The following RERG variants were observed in gnomAD, a reference collection of about 807,000 sequenced individuals.
RERG encodes ras-related and estrogen-regulated growth inhibitor.
A neutral mutation model predicts 23.2 loss-of-function variants in RERG; 25 were observed. The observed-to-expected ratio is 1.08, with a 90% CI of 0.79 to 1.50. The LOEUF is 1.50. Among genes scored for constraint, RERG ranks in the 40% most tolerant of loss-of-function variants. The probability of loss-of-function intolerance (pLI) is 0.00; values close to 1 mark genes in which losing one functional copy is unlikely to be tolerated. For missense variants in RERG, 253 were observed against 250.1 expected, an observed-to-expected ratio of 1.01 and a Z score of -0.08; for synonymous variants, 81 against 89.1, an observed-to-expected ratio of 0.91 and a Z score of 0.51.
At chr12:15,127,611 G>T (rs1591638397) in intron 2 of RERG, among the ~76,000 whole-genome samples, 1 of 152,192 alleles carries the variant, frequency 6.6e-6, no homozygotes, top group East Asian at 1.9e-4. Context: ...AAAGACTTCA[G>T]AGAAGTAAAA....
At chr12:15,113,072 TAA>T (rs1863652224) in intron 3 of RERG, among the ~76,000 whole-genome samples, 1 of 152,178 alleles carries the variant, frequency 6.6e-6, no homozygotes, top group African/African-American at 2.4e-5. Context: ...ATCAAAACAA[TAA>T]CACTACATCA....
chr12:15,112,572 C>T (rs981647005), intron 3 of RERG: 2 of 152,136 alleles, frequency 1.3e-5, no homozygotes, highest in African/African-American at 4.8e-5. Flanking sequence ...AAATAAGTGC[C>T]AACTGGTGCT....
intron 2 of RERG, among the ~76,000 whole-genome samples, chr12:15,136,060 A>C (rs1480036299): frequency 1.3e-5 from 2 of 152,066 alleles, no homozygotes; most frequent in Non-Finnish European, 2.9e-5. Flanking sequence ...TTGATTATTG[A>C]TTTAACTTCT....
intron 2 of RERG, among the ~76,000 whole-genome samples, chr12:15,182,904 G>A (rs1208411293): frequency 6.6e-6 from 1 of 151,972 alleles, no homozygotes; most frequent in Non-Finnish European, 1.5e-5. Flanking sequence ...GGGAGACCTT[G>A]TTTCTACAAA....
At chr12:15,145,448 C>T (rs1864315631) in intron 2 of RERG, among the ~76,000 whole-genome samples, 1 of 152,232 alleles carries the variant, frequency 6.6e-6, no homozygotes, top group South Asian at 2.1e-4. Flanking sequence ...ATAAGGACCA[C>T]TCATGGGATG....
chr12:15,161,482 C>G (rs896939750), intron 2 of RERG, among the ~76,000 whole-genome samples: 2 of 152,224 alleles, frequency 1.3e-5, no homozygotes, highest in South Asian at 4.1e-4. Flanking sequence ...CTTCCTCCTT[C>G]TTCCCATTTA....
chr12:15,169,089 A>G (rs993629333), intron 2 of RERG, among the ~76,000 whole-genome samples: 8 of 152,194 alleles, frequency 5.3e-5, no homozygotes, highest in Admixed American at 1.3e-4. Context: ...ACACGTTCTC[A>G]TTGGTTTGCC....
intron 2 of RERG, among the ~76,000 whole-genome samples, chr12:15,175,834 C>A (rs1864843260): frequency 6.6e-6 from 1 of 152,118 alleles, no homozygotes; most frequent in African/African-American, 2.4e-5. Context: ...GAGTTACAAA[C>A]CCCATCTACC....
In RERG at chr12:15,111,153, G is replaced by A. The variant is rs956412617; in HGVS notation, c.192+191C>T. 7 of 468,332 alleles carry A rather than the reference G, an allele frequency of 1.5e-5. No homozygotes were observed. In the South Asian group the frequency reaches 2.4e-4, roughly 16 times the overall value. The allele number at this position is 468,332 out of a possible 1,614,324, so 29.0% of individuals were successfully genotyped here. The stretch of plus-strand genomic sequence containing the variant: ...TTTTCAAAACCCCCTTGAAACACTG[G>A]GCAGTTTATATAAGGATGAATATAC... On this transcript the variant is annotated intron_variant, in intron 4 of 4. Transcript: ENST00000256953.
intron 2 of RERG, among the ~76,000 whole-genome samples, chr12:15,176,362 GT>G (rs1864851378): frequency 1.3e-5 from 2 of 152,022 alleles, no homozygotes; most frequent in African/African-American, 4.8e-5. Flanking sequence ...ATTTCCTCGT[GT>G]TATATAGAGG....
intron 2 of RERG, among the ~76,000 whole-genome samples, chr12:15,131,182 TA>T (rs1864040163): frequency 6.6e-6 from 1 of 152,074 alleles, no homozygotes; most frequent in Non-Finnish European, 1.5e-5. Flanking sequence ...CAAGAGAAAA[TA>T]AATTTGGAAT....
intron 2 of RERG, among the ~76,000 whole-genome samples, chr12:15,165,943 TC>T (rs1015023508): frequency 2.0e-5 from 3 of 152,086 alleles, no homozygotes; most frequent in Non-Finnish European, 2.9e-5. Flanking sequence ...GACTGTAAGC[TC>T]CCCTGACCAT....
At chr12:15,150,877 A>G (rs7131908) in intron 2 of RERG, among the ~76,000 whole-genome samples, 100,425 of 152,102 alleles carry the variant, frequency 0.66, 33,298 homozygotes, top group Admixed American at 0.75. Context: ...GCAAAGGGCA[A>G]CTCTAGGGTT....
intron 2 of RERG, among the ~76,000 whole-genome samples, chr12:15,156,396 C>T (rs1379090260): frequency 6.6e-6 from 1 of 152,166 alleles, no homozygotes; most frequent in African/African-American, 2.4e-5. Context: ...AGGTTAAGAA[C>T]CCTGCCATAC....
Position 15,109,099 on chromosome 12 carries a change from A to T in RERG, c.*11T>A. 6.4e-7 allele frequency: 1 copy of T among 1,565,298 alleles called. No homozygotes were observed. Among genetic ancestry groups the T allele is most frequent in the Non-Finnish European group, 8.7e-7 (1 of 1,155,918 alleles). On this transcript the variant is annotated 3_prime_UTR_variant, in exon 5 of 5. Coordinates refer to ENST00000256953, the MANE Select transcript of RERG (RefSeq NM_032918.3). The stretch of plus-strand genomic sequence containing the variant: ...TGTTTCCAATTAGTTGGTCCACCTC[A>T]GCTGGGCTGCCTAACTACTGATTTT...
intron 2 of RERG, among the ~76,000 whole-genome samples, chr12:15,142,312 G>T (rs957544713): frequency 6.6e-6 from 1 of 152,070 alleles, no homozygotes; most frequent in South Asian, 2.1e-4. Context: ...ATATTCTCTT[G>T]CTAGCAACTC....
rs192393147 is a variant in RERG, at chr12:15,189,548, T to C, written c.61+27881A>G. On this transcript the variant is annotated intron_variant, in intron 2 of 4. Transcript: ENST00000256953. ...TCATCAGTTTTCCCCATTATAGCTA[T>C]TACTGACACACTGTGTATTGAAGTA... Among the ~76,000 whole-genome samples the C allele has an allele frequency of 2.3e-3, 350 of 152,308 alleles. 4 individuals carry two copies. The highest frequency in any genetic ancestry group is 0.01 in the Middle Eastern group (3 of 294).
chr12:15,123,940 A>C (rs1863888568), intron 2 of RERG, among the ~76,000 whole-genome samples: 1 of 152,126 alleles, frequency 6.6e-6, no homozygotes, highest in South Asian at 2.1e-4. Context: ...AAACAAGCCA[A>C]ACATGTCCAA....
At chr12:15,177,318 T>C (rs1864864220) in intron 2 of RERG, among the ~76,000 whole-genome samples, 1 of 152,138 alleles carries the variant, frequency 6.6e-6, no homozygotes, top group Non-Finnish European at 1.5e-5. Flanking sequence ...CCGGATGTGG[T>C]GGTACATGCC....
Sources: gnomAD v4.1 joint callset for allele counts (sites outside exome capture counted in the v4.1 genomes callset) on GRCh38, gnomAD v4.1.1 for gene constraint, MANE v1.5 for transcripts, NCBI Gene and HGNC (gene_info 2026-07-23, HGNC 2026-07-21) for gene names.